DCHS2: variants seen among roughly 807,000 people sequenced by gnomAD.
DCHS2 encodes protocadherin-23.
DCHS2 carries 142 observed loss-of-function variants against 182.4 expected under a neutral mutation model. The ratio of observed to expected loss-of-function variants is 0.78; its 90% confidence interval spans 0.68 to 0.89. DCHS2 has a LOEUF of 0.89. Ranked by LOEUF, DCHS2 falls within the 40% of genes least tolerant of loss-of-function variation. The pLI, the probability that DCHS2 is intolerant of heterozygous loss-of-function variation, is 0.00. For missense variants in DCHS2, 4,319 were observed against 4,198.6 expected (o/e 1.03, Z -0.79); for synonymous variants, 1,740 against 1,663.3 (o/e 1.05, Z -1.12).
rs941252989 is a variant in DCHS2, at chr4:154,236,569, C to A, written c.8083G>T (p.Gly2695Trp). The A allele has an allele frequency of 6.2e-7, 1 of 1,614,014 alleles. No individual in the cohort carries two copies. Among genetic ancestry groups the A allele is most frequent in the Admixed American group, 1.7e-5 (1 of 60,024 alleles). ...TTGTAGATGATTTCTGCATGTGACCCTGTGTCACGGTCATTTGCTGAGACC... is the reference window on the plus strand; with the variant it reads ...TTGTAGATGATTTCTGCATGTGACCATGTGTCACGGTCATTTGCTGAGACC... The part of the protein sequence containing the change: ...TVVSANDRDT[G>W]SHAEIIYNII... The change falls in exon 20 of 20, where the codon GGG becomes TGG. Residue 2695 changes from glycine to tryptophan, a missense_variant. Coordinates refer to ENST00000357232, the MANE Select transcript of DCHS2 (RefSeq NM_001358235.2).
intron 1 of DCHS2, among the ~76,000 whole-genome samples, chr4:154,435,649 G>T (rs919016298): frequency 2.0e-5 from 3 of 151,184 alleles, no homozygotes; most frequent in Admixed American, 6.6e-5. Flanking sequence ...TAGAAATAAT[G>T]AATACCTCTG....
chr4:154,455,451 C>T (rs1352151403), intron 1 of DCHS2, among the ~76,000 whole-genome samples: 1 of 152,172 alleles, frequency 6.6e-6, no homozygotes, highest in Non-Finnish European at 1.5e-5. Flanking sequence ...ATATGAGTTC[C>T]CACCATGTCT....
At chr4:154,295,547 C>T (rs1021085700) in intron 13 of DCHS2, among the ~76,000 whole-genome samples, 2 of 152,180 alleles carry the variant, frequency 1.3e-5, no homozygotes, top group Non-Finnish European at 2.9e-5. Context: ...AAAAGACATA[C>T]CGTAGGCCCC....
intron 9 of DCHS2, among the ~76,000 whole-genome samples, chr4:154,316,365 A>G (rs1007731010): frequency 6.6e-6 from 1 of 152,226 alleles, no homozygotes; most frequent in Admixed American, 6.5e-5. Flanking sequence ...AAAAGCGACC[A>G]AGTTACAAAA....
At chr4:154,375,472 T>C (rs143850604) in intron 2 of DCHS2, among the ~76,000 whole-genome samples, 27 of 151,918 alleles carry the variant, frequency 1.8e-4, no homozygotes, top group African/African-American at 5.3e-4. Flanking sequence ...CTCATGCACA[T>C]CAGTAAGAAA....
At chr4:154,366,015 G>A (rs963674822) in intron 3 of DCHS2, among the ~76,000 whole-genome samples, 195 bp downstream of exon 3, 1 of 151,904 alleles carries the variant, frequency 6.6e-6, no homozygotes, top group Admixed American at 6.6e-5. Flanking sequence ...GGCAAAGCTG[G>A]GACTCAGATC....
intron 3 of DCHS2, chr4:154,343,377 C>T (rs1578988373): frequency 1.6e-6 from 2 of 1,221,408 alleles, no homozygotes; most frequent in East Asian, 5.7e-5. Context: ...GCATTGACTT[C>T]TCCTCTCTAG....
Position 154,343,742 on chromosome 4 carries a change from C to T in DCHS2, c.2477-8638G>A, listed in dbSNP as rs574171587. 8 of 1,171,234 alleles carry T rather than the reference C, an allele frequency of 6.8e-6. No individual in the cohort carries two copies. The South Asian group carries it at 3.0e-4, about 45-fold the overall frequency. The allele number at this position is 1,171,234 out of a possible 1,614,324, so 72.6% of individuals were successfully genotyped here. On this transcript the variant is annotated intron_variant, in intron 3 of 19. Transcript: ENST00000357232. ...GATCTATCCAGACCACTCAAACTTT[C>T]TGACTCAGCAATGAGTCTCTTTTGC...
At chr4:154,289,635 A>T (rs1028531874) in intron 13 of DCHS2, among the ~76,000 whole-genome samples, 2 of 152,100 alleles carry the variant, frequency 1.3e-5, no homozygotes, top group African/African-American at 4.8e-5. Context: ...AGACATCAAA[A>T]AAAGAGAAAA....
At chr4:154,357,260 C>A in intron 3 of DCHS2, 1 of 1,613,504 alleles carries the variant, frequency 6.2e-7, no homozygotes, top group East Asian at 2.2e-5. Flanking sequence ...CTAAACTGTT[C>A]ATTACTTCCT....
chr4:154,256,517 T>G (rs2111159413), intron 15 of DCHS2, among the ~76,000 whole-genome samples: 1 of 138,470 alleles, frequency 7.2e-6, no homozygotes, highest in African/African-American at 2.7e-5. Context: ...CCTAATCATG[T>G]ATTTGATGAG....
At chr4:154,399,863 G>T (rs1006800422) in intron 1 of DCHS2, among the ~76,000 whole-genome samples, 1 of 152,150 alleles carries the variant, frequency 6.6e-6, no homozygotes, top group Non-Finnish European at 1.5e-5. Context: ...GGGAGCAAAC[G>T]AATAGAGAGG....
chr4:154,458,288 A>G (rs751939655), intron 1 of DCHS2, among the ~76,000 whole-genome samples: 20 of 152,190 alleles, frequency 1.3e-4, no homozygotes, highest in Non-Finnish European at 2.6e-4. Flanking sequence ...AATCAGACCC[A>G]TATTTCCAAA....
intron 1 of DCHS2, among the ~76,000 whole-genome samples, chr4:154,471,239 C>A (rs558904807): frequency 2.6e-5 from 4 of 152,152 alleles, no homozygotes; most frequent in African/African-American, 9.7e-5. Context: ...CAGAATGATT[C>A]CACAATCTAT....
At chr4:154,453,885 G>T (rs969797293) in intron 1 of DCHS2, among the ~76,000 whole-genome samples, 1 of 152,108 alleles carries the variant, frequency 6.6e-6, no homozygotes, top group African/African-American at 2.4e-5. Context: ...TTATAAGAAG[G>T]AAATACTGTT....
At position 154,298,664 on chromosome 4, in the gene DCHS2, C is replaced by T. The variant is rs1408145469; in HGVS notation, c.5650G>A (p.Glu1884Lys). Residue 1884 changes from glutamate (E) to lysine (K), a missense_variant, in exon 13 of 20, where the codon GAA becomes AAA. By Grantham distance (56) the Glu-to-Lys change is moderately conservative. Transcript: ENST00000357232. The stretch of plus-strand genomic sequence containing the variant: ...TCCAAAGCACGAGTGGTTGAGAGTT[C>T]TCCTGACATCTCATTTATAGTAAAG... The part of the protein sequence containing the change: ...ECFTINEMSG[E>K]LSTTRALDRE... The T allele has an allele frequency of 6.2e-7, 1 of 1,609,758 alleles. No homozygotes were observed. The highest frequency in any genetic ancestry group is 1.7e-5 in the Admixed American group (1 of 58,892).
At chr4:154,267,370 G>T (rs1374773278) in intron 14 of DCHS2, among the ~76,000 whole-genome samples, 1 of 152,068 alleles carries the variant, frequency 6.6e-6, no homozygotes, top group Non-Finnish European at 1.5e-5. Context: ...ATAGCAAGAT[G>T]GCCAGGTGCA....
intron 3 of DCHS2, among the ~76,000 whole-genome samples, chr4:154,359,280 A>T (rs1730009927): frequency 6.6e-6 from 1 of 151,974 alleles, no homozygotes; most frequent in Admixed American, 6.6e-5. Flanking sequence ...AACTGTTGTA[A>T]TCAAAAAATG....
chr4:154,374,141 A>ATATGACAGACAGGTTATGAGCATTTGT, intron 2 of DCHS2: 1 of 566,828 alleles, frequency 1.8e-6, no homozygotes, highest in Non-Finnish European at 3.1e-6. Context: ...TGGTGCATTG[A>ATATGACAGACAGGTTATGAGCATTTGT]TATGACAGAC....
Sources: gnomAD v4.1 joint callset for allele counts (sites outside exome capture counted in the v4.1 genomes callset) on GRCh38, gnomAD v4.1.1 for gene constraint, MANE v1.5 for transcripts, NCBI Gene and HGNC (gene_info 2026-07-23, HGNC 2026-07-21) for gene names.